The following IL18BP variants were observed in gnomAD, a reference collection of about 807,000 sequenced individuals.
The protein encoded by IL18BP is interleukin 18 binding protein.
IL18BP carries 23 observed loss-of-function variants against 19.9 expected under a neutral mutation model. That is an observed-to-expected ratio of 1.15 (90% CI 0.83 to 1.64). IL18BP has a LOEUF of 1.64. Among genes scored for constraint, IL18BP ranks in the 40% most tolerant of loss-of-function variants. IL18BP has a pLI of 0.00. For synonymous variants in IL18BP, 107 were observed against 101.0 expected (o/e 1.06, Z -0.35); for missense variants, 239 against 240.7 (o/e 0.99, Z 0.05).
In IL18BP at chr11:72,002,202, CAT is replaced by C. The variant is rs971871471; in HGVS notation, c.*342_*343del. 2.4e-5 allele frequency: 8 copies of C among 327,774 alleles called. No individual in the cohort carries two copies. Among genetic ancestry groups the C allele is most frequent in the South Asian group, 7.5e-5 (1 of 13,346 alleles). The allele number at this position is 327,774 out of a possible 1,614,324, so 20.3% of individuals were successfully genotyped here. On this transcript the variant is annotated 3_prime_UTR_variant, in exon 6 of 6. Coordinates refer to ENST00000393703, the MANE Select transcript of IL18BP (RefSeq NM_001039660.2). ...TCCAGGGCCCTACCTGCATTTCCCA[CAT>C]GACTTTCTGGAAGCCTCCCAACTAT... is the stretch of plus-strand genomic sequence containing the variant.
Position 71,999,976 on chromosome 11 carries a change from G to A in IL18BP, c.-9G>A, listed in dbSNP as rs1214808137. The A allele has an allele frequency of 1.7e-5, 28 of 1,613,676 alleles. No individual in the cohort carries two copies. Among genetic ancestry groups the A allele is most frequent in the East Asian group, 2.2e-5 (1 of 44,876 alleles). On this transcript the variant is annotated 5_prime_UTR_variant, in exon 2 of 6. Transcript: ENST00000393703. The stretch of plus-strand genomic sequence containing the variant: ...AGAGCCAGGCTCACCAGCTCCTGAC[G>A]CATGCATCATGACCATGAGACACAA...
At position 72,002,686 on chromosome 11, in the gene IL18BP, C is replaced by T. The variant is rs5743677; in HGVS notation, c.*825C>T. 7.1e-3 allele frequency: 1,243 copies of T among 173,986 alleles called. 12 individuals carry two copies. Among genetic ancestry groups the T allele is most frequent in the African/African-American group, 0.028 (1,180 of 42,190 alleles). The allele number at this position is 173,986 out of a possible 1,614,324, so 10.8% of individuals were successfully genotyped here. Reference sequence around the variant, plus strand: ...CTTGAAAAAGAAAAGAGAGAACAGCCCATAATGCTCCCCGGGAGCAGAGGC... The same window carrying T: ...CTTGAAAAAGAAAAGAGAGAACAGCTCATAATGCTCCCCGGGAGCAGAGGC... On this transcript the variant is annotated 3_prime_UTR_variant, in exon 6 of 6. Coordinates refer to ENST00000393703, the MANE Select transcript of IL18BP (RefSeq NM_001039660.2).
At chr11:72,004,590 C>T, downstream of IL18BP, 1 of 1,574,872 alleles carries the variant, frequency 6.3e-7, no homozygotes, top group Non-Finnish European at 8.6e-7. Flanking sequence ...GTGAGCTGGG[C>T]CTGACCTGAG....
rs1011148465 is a variant in IL18BP, at chr11:72,002,055, TATA to T, written c.*197_*199del. Reference sequence around the variant, plus strand: ...CCTACCTAGAAAATCACAGCCTCCTTATAATGCCTCCTCCTCCTGCCATTCTCT... The same window carrying T: ...CCTACCTAGAAAATCACAGCCTCCTTATGCCTCCTCCTCCTGCCATTCTCT... On this transcript the variant is annotated 3_prime_UTR_variant, in exon 6 of 6. Transcript: ENST00000393703. The T allele has an allele frequency of 5.5e-6, 4 of 732,610 alleles. No individual in the cohort carries two copies. Among genetic ancestry groups the T allele is most frequent in the Non-Finnish European group, 9.1e-6 (4 of 440,208 alleles). 45.4% of individuals were successfully genotyped at this position (732,610 alleles called of 1,614,324 possible). A position where few individuals can be genotyped will look rare whatever the true frequency, so the allele number is the denominator to read the frequency against.
rs117044059 is a variant in IL18BP at position 72,000,945 on chromosome 11, C to G, written c.236-256C>G. Among the ~76,000 whole-genome samples, 494 of 152,304 alleles carry G rather than the reference C, an allele frequency of 3.2e-3. 6 individuals carry two copies. The East Asian group carries it at 0.044, about 14-fold the overall frequency. On this transcript the variant is annotated intron_variant, in intron 3 of 5. Transcript: ENST00000393703. ...GAGGCTGGGCACTAGAAAAGGTCATCCTGAGGAGACAGGTTCAGAAGAGGA... is the reference window on the plus strand; with the variant it reads ...GAGGCTGGGCACTAGAAAAGGTCATGCTGAGGAGACAGGTTCAGAAGAGGA...
At chr11:72,004,281 G>T (rs202117024), downstream of IL18BP, 2 of 1,613,386 alleles carry the variant, frequency 1.2e-6, no homozygotes, top group Non-Finnish European at 1.7e-6. Context: ...CTCTGTTTGC[G>T]CCCTTCATGT....
In IL18BP at chr11:71,999,993, G is replaced by A; in HGVS notation, c.9G>A (p.Met3Ile). The A allele has an allele frequency of 6.2e-7, 1 of 1,613,936 alleles. No homozygotes were observed. Among genetic ancestry groups the A allele is most frequent in the Non-Finnish European group, 8.5e-7 (1 of 1,179,832 alleles). ...CTCCTGACGCATGCATCATGACCAT[G>A]AGACACAACTGGACACCAGGTAGGC... MT[M>I]RHNWTPDLSP... Residue 3 changes from methionine to isoleucine, a missense_variant, in exon 2 of 6, where the codon ATG becomes ATA. By Grantham distance (10) the Met-to-Ile change is conservative. Coordinates refer to ENST00000393703, the MANE Select transcript of IL18BP (RefSeq NM_001039660.2).
downstream of IL18BP, chr11:72,005,224 A>C: frequency 6.3e-7 from 1 of 1,589,628 alleles, no homozygotes; most frequent in East Asian, 2.3e-5. Flanking sequence ...CAGTGACCCC[A>C]GGCCTCACCC....
At chr11:71,999,233 A>G in intron 1 of IL18BP, 1 of 466,154 alleles carries the variant, frequency 2.1e-6, no homozygotes, top group South Asian at 1.6e-5. Context: ...CCCAGTGCCT[A>G]GGAAAGTTGT....
rs1168371749 is a variant in IL18BP at position 72,001,331 on chromosome 11, G to A, written c.359+7G>A. On this transcript the variant is annotated splice_region_variant and intron_variant, in intron 4 of 5. Transcript: ENST00000393703. ...TGTGGGAGGGGAGCACCAGGTGAGGGTCGCAGCAGCCAGGTGGGTGGGAAG... is the reference window on the plus strand; with the variant it reads ...TGTGGGAGGGGAGCACCAGGTGAGGATCGCAGCAGCCAGGTGGGTGGGAAG... The A allele has an allele frequency of 6.2e-7, 1 of 1,614,232 alleles. No individual in the cohort carries two copies. Among genetic ancestry groups the A allele is most frequent in the South Asian group, 1.1e-5 (1 of 91,090 alleles).
intron 1 of IL18BP, chr11:71,999,269 A>AAGG: frequency 2.4e-6 from 1 of 423,122 alleles, no homozygotes; most frequent in Non-Finnish European, 4.7e-6. Flanking sequence ...TGTGAAGGTG[A>AAGG]AGGAGGAAGC....
downstream of IL18BP, chr11:72,004,598 G>A: frequency 4.4e-6 from 7 of 1,590,454 alleles, no homozygotes; most frequent in Non-Finnish European, 6.0e-6. Flanking sequence ...GGCCTGACCT[G>A]AGCACAGTGC....
chr11:72,004,193 G>A (rs768629500), downstream of IL18BP: 33 of 1,603,872 alleles, frequency 2.1e-5, no homozygotes, highest in East Asian at 8.9e-5. Context: ...CCGCCAGGGC[G>A]TCGCTTCATC....
chr11:72,000,439 T>C lies in IL18BP; in HGVS notation c.117T>C (p.Ala39=). ...CACCTGTCTCGCAGACCACCACAGC[T>C]GCCACTGCCTCAGTTAGAAGCACAA... ...RATPVSQTTT[A]ATASVRSTKD... The change falls in exon 3 of 6, where the codon GCT becomes GCC. Residue 39 remains alanine, a synonymous_variant. Coordinates refer to ENST00000393703, the MANE Select transcript of IL18BP (RefSeq NM_001039660.2). 1 of 1,614,112 alleles carries C rather than the reference T, an allele frequency of 6.2e-7. No individual in the cohort carries two copies. The highest frequency in any genetic ancestry group is 8.5e-7 in the Non-Finnish European group (1 of 1,180,006).
intron 3 of IL18BP, 126 bp downstream of exon 3, chr11:72,000,683 C>T: frequency 1.3e-6 from 1 of 742,114 alleles, no homozygotes. Flanking sequence ...GAGCACGCAC[C>T]ATTCTCCCTC....
At chr11:72,004,532 G>T, downstream of IL18BP, 1 of 1,300,804 alleles carries the variant, frequency 7.7e-7, no homozygotes, top group Non-Finnish European at 1.1e-6. Flanking sequence ...GAGAGGGAAA[G>T]AGAGGGGGAA....
At chr11:72,005,214 C>T (rs752683849), downstream of IL18BP, 6 of 1,573,736 alleles carry the variant, frequency 3.8e-6, no homozygotes, top group Non-Finnish European at 5.2e-6. Context: ...AGGCCCTGCA[C>T]AGTGACCCCA....
In IL18BP at chr11:72,001,491, C is replaced by T; in HGVS notation, c.446C>T (p.Ser149Phe). The T allele has an allele frequency of 6.2e-7, 1 of 1,613,890 alleles. No individual in the cohort carries two copies. Among genetic ancestry groups the T allele is most frequent in the South Asian group, 1.1e-5 (1 of 91,070 alleles). Residue 149 changes from serine to phenylalanine, a missense_variant, in exon 5 of 6, where the codon TCC becomes TTC. Ser to Phe is a radical substitution (Grantham distance 155). Coordinates refer to ENST00000393703, the MANE Select transcript of IL18BP (RefSeq NM_001039660.2). Reference protein sequence around the residue: ...LTPALHSTNFSCVLVDPEQVV... With the variant: ...LTPALHSTNFFCVLVDPEQVV... The stretch of plus-strand genomic sequence containing the variant: ...CCTGCCCTGCACAGCACCAACTTCT[C>T]CTGTGTGCTCGTGGACCCTGAACAG...
At chr11:72,000,202 A>C (rs1955137294) in intron 2 of IL18BP, 149 bp from the exon 3 acceptor site, 1 of 865,648 alleles carries the variant, frequency 1.2e-6, no homozygotes, top group African/African-American at 1.7e-5. Flanking sequence ...TCTGTTCAAT[A>C]AAGGGCTAAG....
Sources: gnomAD v4.1 joint callset for allele counts (sites outside exome capture counted in the v4.1 genomes callset) on GRCh38, gnomAD v4.1.1 for gene constraint, MANE v1.5 for transcripts, NCBI Gene and HGNC (gene_info 2026-07-23, HGNC 2026-07-21) for gene names.